The following KDM4C variants were observed in gnomAD, a reference collection of about 807,000 sequenced individuals.
KDM4C encodes lysine-specific demethylase 4C.
A neutral mutation model predicts 129.3 loss-of-function variants in KDM4C; 81 were observed. The observed-to-expected ratio is 0.63, with a 90% CI of 0.52 to 0.75. The LOEUF (loss-of-function observed/expected upper bound fraction) is 0.75. Among genes scored for constraint, KDM4C ranks in the 30% least tolerant of loss-of-function variants. KDM4C has a pLI of 0.00. For missense variants in KDM4C, 1,457 were observed against 1,304.0 expected, an observed-to-expected ratio of 1.12 and a Z score of -1.81; for synonymous variants, 573 against 456.1, an observed-to-expected ratio of 1.26 and a Z score of -3.26.
At chr9:6,838,111 T>A (rs1336763399) in intron 4 of KDM4C, among the ~76,000 whole-genome samples, 1 of 152,228 alleles carries the variant, frequency 6.6e-6, no homozygotes, top group Admixed American at 6.5e-5. Flanking sequence ...ATATATTTCT[T>A]TTCTAGGAGT....
At position 7,069,394 on chromosome 9, in the gene KDM4C, C is replaced by G. The variant is rs537968483; in HGVS notation, c.2424+20194C>G. Among the ~76,000 whole-genome samples the G allele has an allele frequency of 9.2e-5, 14 of 152,224 alleles. No homozygotes were observed. The South Asian group carries it at 2.9e-3, about 32-fold the overall frequency. On this transcript the variant is annotated intron_variant, in intron 17 of 21. Coordinates refer to ENST00000381309, the MANE Select transcript of KDM4C (RefSeq NM_015061.6). ...ATGTTTATTTAACTTTTTAAACAAA[C>G]TTTAAATTTTAGGCCAGGTGTGTGG...
chr9:7,086,136 C>T (rs1179868855), intron 17 of KDM4C, among the ~76,000 whole-genome samples: 4 of 152,076 alleles, frequency 2.6e-5, no homozygotes, highest in African/African-American at 2.4e-5. Flanking sequence ...CCAGCCTGAG[C>T]GACAGAGCCA....
At chr9:6,768,633 G>A (rs1161359801) in intron 1 of KDM4C, among the ~76,000 whole-genome samples, 1 of 152,014 alleles carries the variant, frequency 6.6e-6, no homozygotes, top group African/African-American at 2.4e-5. Flanking sequence ...GTCCAGAATT[G>A]TGCAATATGT....
chr9:6,814,829 T>C (rs1831785086), intron 4 of KDM4C, 84 bp downstream of exon 4: 1 of 761,776 alleles, frequency 1.3e-6, no homozygotes, highest in Non-Finnish European at 2.1e-6. Context: ...GAAGTGTTCT[T>C]TTGTTGTGCT....
At chr9:6,911,589 A>T (rs1168731328) in intron 8 of KDM4C, among the ~76,000 whole-genome samples, 1 of 152,230 alleles carries the variant, frequency 6.6e-6, no homozygotes, top group Non-Finnish European at 1.5e-5. Context: ...TCTGCTAGAT[A>T]AGTCAGACCT....
chr9:6,974,199 A>T (rs1336904374), intron 8 of KDM4C, among the ~76,000 whole-genome samples: 1 of 152,212 alleles, frequency 6.6e-6, no homozygotes, highest in Non-Finnish European at 1.5e-5. Flanking sequence ...AAGGTTCAGG[A>T]TGCGTTCTAA....
chr9:6,807,119 A>C (rs980071785), intron 3 of KDM4C, among the ~76,000 whole-genome samples: 1 of 151,686 alleles, frequency 6.6e-6, no homozygotes, highest in Non-Finnish European at 1.5e-5. Context: ...CCAGCCCCTA[A>C]CCGCGAGTGA....
intron 4 of KDM4C, among the ~76,000 whole-genome samples, chr9:6,816,106 A>G (rs567515687): frequency 6.6e-6 from 1 of 152,168 alleles, no homozygotes; most frequent in Non-Finnish European, 1.5e-5. Context: ...TTTGTAACTA[A>G]TAAGTGATCT....
At chr9:7,083,235 C>T (rs977512788) in intron 17 of KDM4C, among the ~76,000 whole-genome samples, 5 of 152,188 alleles carry the variant, frequency 3.3e-5, no homozygotes, top group African/African-American at 1.2e-4. Context: ...GCATTATATA[C>T]TTACTGGTTG....
At chr9:7,002,101 C>T (rs1249023880) in intron 12 of KDM4C, among the ~76,000 whole-genome samples, 2 of 152,162 alleles carry the variant, frequency 1.3e-5, no homozygotes. Flanking sequence ...CCATGTTGGC[C>T]AGGCTGGTCT....
intron 21 of KDM4C, 107 bp from the exon 22 acceptor site, chr9:7,174,446 A>T (rs757571071): frequency 2.0e-6 from 2 of 1,004,924 alleles, no homozygotes; most frequent in Admixed American, 2.0e-5. Flanking sequence ...TGAGCTGGTG[A>T]CCTGGGCATC....
At chr9:7,161,652 C>T (rs1843808977) in intron 19 of KDM4C, among the ~76,000 whole-genome samples, 1 of 152,132 alleles carries the variant, frequency 6.6e-6, no homozygotes, top group Non-Finnish European at 1.5e-5. Flanking sequence ...GGTGCAATGC[C>T]CTCTGTCTGT....
chr9:6,750,049 T>C (rs1413865030), intron 1 of KDM4C, among the ~76,000 whole-genome samples: 2 of 149,558 alleles, frequency 1.3e-5, no homozygotes, highest in African/African-American at 4.9e-5. Context: ...GTACTTGCTG[T>C]GGTGTAGGCC....
At chr9:6,811,819 C>G (rs1173036513) in intron 3 of KDM4C, among the ~76,000 whole-genome samples, 1 of 152,016 alleles carries the variant, frequency 6.6e-6, no homozygotes, top group Non-Finnish European at 1.5e-5. Flanking sequence ...CCCTGGAGCT[C>G]ACCTCTTAAG....
chr9:6,858,843 G>A (rs768144135), intron 5 of KDM4C, among the ~76,000 whole-genome samples: 3 of 149,552 alleles, frequency 2.0e-5, no homozygotes, highest in Non-Finnish European at 4.5e-5. Flanking sequence ...TCATTTTTTT[G>A]GTATCTCTTT....
chr9:7,043,315 A>C (rs1191597688), intron 15 of KDM4C, among the ~76,000 whole-genome samples: 4 of 151,898 alleles, frequency 2.6e-5, no homozygotes, highest in African/African-American at 9.7e-5. Context: ...TCTTTCATTG[A>C]AAGATTTGGA....
chr9:7,043,819 A>G (rs1828976514), intron 15 of KDM4C, among the ~76,000 whole-genome samples: 1 of 152,030 alleles, frequency 6.6e-6, no homozygotes, highest in Non-Finnish European at 1.5e-5. Context: ...GGCAAAAATA[A>G]CTTTGTCAAC....
chr9:6,741,950 C>A (rs1817713373), intron 1 of KDM4C, among the ~76,000 whole-genome samples: 1 of 150,038 alleles, frequency 6.7e-6, no homozygotes, highest in Non-Finnish European at 1.5e-5. Flanking sequence ...GGCTCAAAAA[C>A]AATAATAAAA....
At chr9:6,961,270 T>A (rs1400875133) in intron 8 of KDM4C, among the ~76,000 whole-genome samples, 2 of 152,202 alleles carry the variant, frequency 1.3e-5, no homozygotes, top group African/African-American at 4.8e-5. Context: ...CAGTGGTAAT[T>A]ATGGAGGACA....
Sources: allele counts gnomAD v4.1 joint callset (sites outside exome capture counted in the v4.1 genomes callset), GRCh38; gene constraint gnomAD v4.1.1; transcripts MANE v1.5; gene names NCBI Gene and HGNC (gene_info 2026-07-23, HGNC 2026-07-21).